MACF1: variants seen among roughly 807,000 people sequenced by gnomAD.
The protein encoded by MACF1 is microtubule actin crosslinking factor 1.
A neutral mutation model predicts 854.8 loss-of-function variants in MACF1; 193 were observed. The ratio of observed to expected loss-of-function variants is 0.23; its 90% confidence interval spans 0.20 to 0.25. MACF1 has a LOEUF of 0.25. Ranked by LOEUF, MACF1 falls within the 10% of genes least tolerant of loss-of-function variation. The pLI is 1.00. For synonymous variants in MACF1, 3,185 were observed against 3,226.7 expected (o/e 0.99, Z 0.44); for missense variants, 7,722 against 8,929.1 (o/e 0.86, Z 5.45).
At chr1:39,291,063 C>T (rs2148398115) in intron 15 of MACF1, among the ~76,000 whole-genome samples, 1 of 152,050 alleles carries the variant, frequency 6.6e-6, no homozygotes, top group South Asian at 2.1e-4. Context: ...CCTCTGACTC[C>T]TGGGTTCAAG....
chr1:39,443,878 A>G (rs985218561), intron 79 of MACF1, among the ~76,000 whole-genome samples: 2 of 152,186 alleles, frequency 1.3e-5, no homozygotes, highest in Non-Finnish European at 2.9e-5. Flanking sequence ...GCTTTCACTT[A>G]AGAAGGAAAC....
At chr1:39,186,170 A>ATCTCTCTGTCTCTCTC (rs1644165772) in intron 2 of MACF1, among the ~76,000 whole-genome samples, 1 of 109,960 alleles carries the variant, frequency 9.1e-6, no homozygotes, top group Non-Finnish European at 1.8e-5. Context: ...GATTCTGAAC[A>ATCTCTCTGTCTCTCTC]TCTCTCTCTC....
In MACF1 at chr1:39,269,307, A is replaced by G. The variant is rs779642054; in HGVS notation, c.528+11279A>G. On this transcript the variant is annotated intron_variant, in intron 6 of 100. Coordinates refer to ENST00000564288, the MANE Select transcript of MACF1 (RefSeq NM_001394062.1). ...GTTTCGGAGCTGTGCTTTGCCTAGGACAGACTACCCCACTGATAAAGGAAA... is the reference window on the plus strand; with the variant it reads ...GTTTCGGAGCTGTGCTTTGCCTAGGGCAGACTACCCCACTGATAAAGGAAA... 6 of 1,289,840 alleles carry G rather than the reference A, an allele frequency of 4.7e-6. No homozygotes were observed. In the South Asian group the frequency reaches 7.4e-5, roughly 16 times the overall value. The allele number at this position is 1,289,840 out of a possible 1,614,324, so 79.9% of individuals were successfully genotyped here.
At position 39,332,645 on chromosome 1, in the gene MACF1, G is replaced by A. The variant is rs1290987056; in HGVS notation, c.6057G>A (p.Leu2019=). ...GHQRQKTPEG[L]QESANVKISG... The stretch of plus-strand genomic sequence containing the variant: ...AAAGGCAAAAAACTCCTGAGGGATT[G>A]CAAGAATCAGCTAATGTGAAAATCT... Residue 2019 remains leucine, a synonymous_variant, in exon 37 of 101, where the codon TTG becomes TTA. Coordinates refer to ENST00000564288, the MANE Select transcript of MACF1 (RefSeq NM_001394062.1). 6.2e-7 allele frequency: 1 copy of A among 1,614,182 alleles called. No homozygotes were observed. Among genetic ancestry groups the A allele is most frequent in the Non-Finnish European group, 8.5e-7 (1 of 1,180,016 alleles).
chr1:39,293,650 A>G, intron 18 of MACF1, 31 bp downstream of exon 18: 1 of 1,589,964 alleles, frequency 6.3e-7, no homozygotes, highest in Non-Finnish European at 8.6e-7. Flanking sequence ...GGCCTGTCAT[A>G]CTTATTTAAC....
At chr1:39,316,037 A>T (rs1374930523) in intron 27 of MACF1, among the ~76,000 whole-genome samples, 1 of 152,248 alleles carries the variant, frequency 6.6e-6, no homozygotes, top group Admixed American at 6.5e-5. Flanking sequence ...TACACTAGGT[A>T]TTAGACTTTG....
chr1:39,383,500 G>A (rs746445877), intron 56 of MACF1, among the ~76,000 whole-genome samples: 6 of 152,064 alleles, frequency 3.9e-5, no homozygotes, highest in South Asian at 2.1e-4. Flanking sequence ...TTTTAAAATA[G>A]CAATGATAAA....
At position 39,327,835 on chromosome 1, in the gene MACF1, C is replaced by G. The variant is rs1646645186; in HGVS notation, c.4614+482C>G. 5.3e-5 allele frequency among the ~76,000 whole-genome samples: 8 copies of G among 152,286 alleles called. No individual in the cohort carries two copies. The South Asian group carries it at 1.7e-3, about 32-fold the overall frequency. ...CTGACTAAGACGCTGGTTCCCCTCA[C>G]CCATAGTCATCTCATCATGTGGCAT... On this transcript the variant is annotated intron_variant, in intron 36 of 100. Transcript: ENST00000564288.
At position 39,434,519 on chromosome 1, in the gene MACF1, G is replaced by A. The variant is rs141504077; in HGVS notation, c.17671G>A (p.Glu5891Lys). ...CCAGGTCTTAGTAAACCAGTTTTGG[G>A]AAACTTATGAAGAGCTCAGCCCCTG... The part of the protein sequence containing the change: ...RAQVLVNQFW[E>K]TYEELSPWIE... Residue 5891 changes from glutamate (E) to lysine (K), a missense_variant, in exon 69 of 101, where the codon GAA (glutamate) becomes AAA (lysine). By Grantham distance (56) the Glu-to-Lys change is moderately conservative. This residue lies in a region of MACF1 where 2,807 missense variants were observed against 3,235.8 expected (regional missense o/e 0.87). Coordinates refer to ENST00000564288, the MANE Select transcript of MACF1 (RefSeq NM_001394062.1). 6.2e-7 allele frequency: 1 copy of A among 1,613,832 alleles called. No homozygotes were observed. The highest frequency in any genetic ancestry group is 1.3e-5 in the African/African-American group (1 of 74,862).
At chr1:39,157,887 T>G (rs918816091) in intron 2 of MACF1, among the ~76,000 whole-genome samples, 1 of 152,172 alleles carries the variant, frequency 6.6e-6, no homozygotes, top group Non-Finnish European at 1.5e-5. Flanking sequence ...TTTGGAGTTT[T>G]TGTAGAGACG....
At position 39,481,033 on chromosome 1, in the gene MACF1, A is replaced by G; in HGVS notation, c.22281+3A>G. ...ACCTCCAGCTGCCCACCCCCGAGGT[A>G]GAGTATGGCTTTGCTGACTGAGGAC... is the stretch of plus-strand genomic sequence containing the variant. On this transcript the variant is annotated splice_donor_region_variant and intron_variant, in intron 99 of 100. Coordinates refer to ENST00000564288, the MANE Select transcript of MACF1 (RefSeq NM_001394062.1). 6.5e-7 allele frequency: 1 copy of G among 1,540,864 alleles called. No individual in the cohort carries two copies.
intron 84 of MACF1, 111 bp from the exon 85 acceptor site, chr1:39,450,941 A>G (rs1031234320): frequency 5.8e-6 from 7 of 1,210,112 alleles, no homozygotes; most frequent in Non-Finnish European, 8.2e-6. Flanking sequence ...TCTAACATAG[A>G]AGTCACTCTC....
At chr1:39,364,378 T>TA (rs1440294360) in intron 49 of MACF1, among the ~76,000 whole-genome samples, 2 of 152,002 alleles carry the variant, frequency 1.3e-5, no homozygotes, top group Admixed American at 6.6e-5. Flanking sequence ...TTAAAGTTTT[T>TA]TTTTTTTAGA....
At chr1:39,366,397 GA>G (rs918902375) in intron 49 of MACF1, among the ~76,000 whole-genome samples, 1 of 149,458 alleles carries the variant, frequency 6.7e-6, no homozygotes, top group African/African-American at 2.5e-5. Context: ...GCAGTGGCAT[GA>G]TCATAGCTCA....
intron 2 of MACF1, among the ~76,000 whole-genome samples, chr1:39,186,214 CTGTGTG>C (rs200739487): frequency 0.018 from 1,045 of 57,202 alleles, 5 homozygotes; most frequent in African/African-American, 0.023. Flanking sequence ...CTCTCTCTCT[CTGTGTG>C]TGTGTGTGTG....
chr1:39,442,063 T>TG lies in MACF1; in HGVS notation c.18774+13dup. On this transcript the variant is annotated intron_variant, in intron 75 of 100. Coordinates refer to ENST00000564288, the MANE Select transcript of MACF1 (RefSeq NM_001394062.1). ...GTTAAATGAAATGAAGGTTTGTATC[T>TG]GGGTATGGCTTTTGAAGAAGAATTG... 8 of 1,601,770 alleles carry TG rather than the reference T, an allele frequency of 5.0e-6. No homozygotes were observed. The highest frequency in any genetic ancestry group is 6.8e-6 in the Non-Finnish European group (8 of 1,176,274).
chr1:39,272,023 A>C (rs891569502), intron 6 of MACF1, among the ~76,000 whole-genome samples: 2 of 152,164 alleles, frequency 1.3e-5, no homozygotes, highest in African/African-American at 4.8e-5. Context: ...CTCTGCATCT[A>C]TTCCTTCTAC....
chr1:39,456,151 T>G (rs1644434351), intron 89 of MACF1, among the ~76,000 whole-genome samples: 1 of 152,210 alleles, frequency 6.6e-6, no homozygotes, highest in African/African-American at 2.4e-5. Context: ...CTAGCCAACA[T>G]GGTGAAACCC....
intron 80 of MACF1, among the ~76,000 whole-genome samples, chr1:39,445,138 C>T (rs373642739): frequency 1.3e-5 from 2 of 152,150 alleles, no homozygotes; most frequent in East Asian, 3.8e-4. Context: ...GAGTTGGTAT[C>T]TTGGGGTTGA....
Sources: gnomAD v4.1 joint callset for allele counts (sites outside exome capture counted in the v4.1 genomes callset) on GRCh38, gnomAD v4.1.1 for gene constraint, gnomAD v4.1.1 regional missense constraint, MANE v1.5 for transcripts, NCBI Gene and HGNC (gene_info 2026-07-23, HGNC 2026-07-21) for gene names.